Variants in LOC128092253 observed in about 807,000 individuals in gnomAD.
chr6:133,979,998 ATT>A, the LOC128092253 span: 6 of 1,052,386 alleles, frequency 5.7e-6, no homozygotes, highest in Admixed American at 7.2e-5. Context: ...ATATAGATTC[ATT>A]TTTTACATTT....
At chr6:133,977,088 A>C in the LOC128092253 span, among the ~76,000 whole-genome samples, 1 of 152,188 alleles carries the variant, frequency 6.6e-6, no homozygotes, top group African/African-American at 2.4e-5. Flanking sequence ...ATCTTTGTTA[A>C]TATCCAGTTC....
the LOC128092253 span, among the ~76,000 whole-genome samples, chr6:133,977,370 C>G: frequency 6.6e-6 from 1 of 152,096 alleles, no homozygotes; most frequent in Non-Finnish European, 1.5e-5. Flanking sequence ...TGAAAAATCA[C>G]CAATTTTGAA....
At chr6:133,965,075 G>T in the LOC128092253 span, among the ~76,000 whole-genome samples, 1 of 152,142 alleles carries the variant, frequency 6.6e-6, no homozygotes, top group African/African-American at 2.4e-5. Flanking sequence ...CTTATGAGAA[G>T]ATTTATTCAG....
the LOC128092253 span, among the ~76,000 whole-genome samples, chr6:133,968,658 G>A: frequency 2.0e-5 from 3 of 152,026 alleles, no homozygotes; most frequent in South Asian, 6.2e-4. Flanking sequence ...TACTGTCTTA[G>A]CATCCAAGTT....
the LOC128092253 span, among the ~76,000 whole-genome samples, chr6:133,976,922 C>T: frequency 6.7e-6 from 1 of 149,558 alleles, no homozygotes; most frequent in South Asian, 2.1e-4. Context: ...GAGCCAAGAT[C>T]GCGTCACAGC....
chr6:133,976,649 TA>T, the LOC128092253 span, among the ~76,000 whole-genome samples: 1 of 152,118 alleles, frequency 6.6e-6, no homozygotes. Flanking sequence ...TCACTACACT[TA>T]AAAATACAAG....
chr6:133,957,204 T>C, the LOC128092253 span, among the ~76,000 whole-genome samples: 26 of 152,130 alleles, frequency 1.7e-4, no homozygotes, highest in Non-Finnish European at 3.7e-4. Flanking sequence ...TCTGGGGTAG[T>C]GGAGATGTGC....
chr6:133,976,148 T>C, the LOC128092253 span, among the ~76,000 whole-genome samples: 2 of 152,202 alleles, frequency 1.3e-5, no homozygotes, highest in Non-Finnish European at 2.9e-5. Context: ...TCGTTAACTC[T>C]TTTGCATTCA....
At chr6:133,975,869 A>T in the LOC128092253 span, among the ~76,000 whole-genome samples, 1 of 152,182 alleles carries the variant, frequency 6.6e-6, no homozygotes, top group Non-Finnish European at 1.5e-5. Context: ...AAGCTGAATG[A>T]TAGGTACGTA....
chr6:133,966,963 T>G, the LOC128092253 span, among the ~76,000 whole-genome samples: 2 of 152,330 alleles, frequency 1.3e-5, no homozygotes, highest in African/African-American at 4.8e-5. Flanking sequence ...TCTTGCTTCT[T>G]TTTTAGCTAA....
At chr6:133,969,382 C>A in the LOC128092253 span, among the ~76,000 whole-genome samples, 1 of 148,128 alleles carries the variant, frequency 6.8e-6, no homozygotes, top group Non-Finnish European at 1.5e-5. Context: ...CACTTTGATA[C>A]AAAATTATTC....
the LOC128092253 span, among the ~76,000 whole-genome samples, chr6:133,959,687 T>G: frequency 6.6e-6 from 1 of 152,130 alleles, no homozygotes; most frequent in Admixed American, 6.5e-5. Flanking sequence ...TTTACCACAT[T>G]GACCAGGCTG....
the LOC128092253 span, chr6:133,980,017 CA>C: frequency 8.4e-7 from 1 of 1,189,126 alleles, no homozygotes; most frequent in Non-Finnish European, 1.1e-6. Flanking sequence ...ATTTCAATTT[CA>C]AAATTGTGAA....
chr6:133,971,581 G>A, the LOC128092253 span, among the ~76,000 whole-genome samples: 1 of 22,016 alleles, frequency 4.5e-5, no homozygotes, highest in Non-Finnish European at 1.2e-4. Context: ...ATACATAGGT[G>A]TTGTTGTTGT....
chr6:133,966,354 T>C, the LOC128092253 span, among the ~76,000 whole-genome samples: 1 of 152,180 alleles, frequency 6.6e-6, no homozygotes, highest in African/African-American at 2.4e-5. Context: ...TAAGTATGTA[T>C]AGTAACATTA....
the LOC128092253 span, among the ~76,000 whole-genome samples, chr6:133,967,844 C>T: frequency 1.3e-5 from 2 of 152,110 alleles, no homozygotes; most frequent in Non-Finnish European, 2.9e-5. Flanking sequence ...CTCAGGTTGT[C>T]CAAGATTTTT....
chr6:133,977,951 T>A, the LOC128092253 span, among the ~76,000 whole-genome samples: 2 of 152,244 alleles, frequency 1.3e-5, no homozygotes, highest in African/African-American at 4.8e-5. Flanking sequence ...CTAAGTAGAC[T>A]TCCCAGAGGA....
At chr6:133,973,652 C>CTT in the LOC128092253 span, among the ~76,000 whole-genome samples, 1 of 152,094 alleles carries the variant, frequency 6.6e-6, no homozygotes, top group Non-Finnish European at 1.5e-5. Flanking sequence ...GAAAGAGGAC[C>CTT]AAAAATACAG....
At chr6:133,973,918 C>T in the LOC128092253 span, among the ~76,000 whole-genome samples, 1 of 148,528 alleles carries the variant, frequency 6.7e-6, no homozygotes, top group Non-Finnish European at 1.5e-5. Flanking sequence ...GTATTTAAAT[C>T]AGAATGGGAA....
Sources: allele counts gnomAD v4.1 joint callset (sites outside exome capture counted in the v4.1 genomes callset), GRCh38; gene constraint gnomAD v4.1.1; transcripts MANE v1.5.